Variants in COG5 observed in about 807,000 individuals in gnomAD.
COG5 encodes component of oligomeric golgi complex 5, also known as conserved oligomeric Golgi complex subunit 5.
A neutral mutation model predicts 110.4 loss-of-function variants in COG5; 86 were observed. The observed-to-expected ratio is 0.78, with a 90% CI of 0.65 to 0.93. The LOEUF is 0.93. Among genes scored for constraint, COG5 ranks in the 40% least tolerant of loss-of-function variants. COG5 has a pLI of 0.00. For missense variants in COG5, 1,077 were observed against 987.0 expected, an observed-to-expected ratio of 1.09 and a Z score of -1.22; for synonymous variants, 360 against 334.6, an observed-to-expected ratio of 1.08 and a Z score of -0.83.
At chr7:107,398,392 G>C (rs1285464176) in intron 7 of COG5, among the ~76,000 whole-genome samples, 1 of 152,200 alleles carries the variant, frequency 6.6e-6, no homozygotes, top group African/African-American at 2.4e-5. Context: ...TGAGCGGCAG[G>C]GCAGTGAGCA....
At chr7:107,416,094 T>C (rs1006154377) in intron 6 of COG5, among the ~76,000 whole-genome samples, 1 of 151,352 alleles carries the variant, frequency 6.6e-6, no homozygotes. Flanking sequence ...TATGGGACTA[T>C]CTGATAAGGT....
At chr7:107,543,823 A>G (rs560356111) in intron 5 of COG5, among the ~76,000 whole-genome samples, 1 of 152,234 alleles carries the variant, frequency 6.6e-6, no homozygotes, top group South Asian at 2.1e-4. Flanking sequence ...CAACAGACAC[A>G]AAGTTCAGGC....
chr7:107,478,489 T>C (rs941284799), intron 6 of COG5, among the ~76,000 whole-genome samples: 1 of 151,998 alleles, frequency 6.6e-6, no homozygotes, highest in South Asian at 2.1e-4. Context: ...AAATATTAAA[T>C]GGAAAATTCC....
chr7:107,477,247 T>TA (rs749437233), intron 6 of COG5, among the ~76,000 whole-genome samples: 1 of 151,782 alleles, frequency 6.6e-6, no homozygotes, highest in East Asian at 1.9e-4. Context: ...TTTAAGAATT[T>TA]AAAAAATGAA....
chr7:107,449,228 G>A (rs923992539), intron 6 of COG5, among the ~76,000 whole-genome samples: 3 of 152,060 alleles, frequency 2.0e-5, no homozygotes, highest in African/African-American at 2.4e-5. Context: ...TAATGCATAC[G>A]GGACTTAAAA....
intron 16 of COG5, among the ~76,000 whole-genome samples, 190 bp downstream of exon 16, chr7:107,256,542 G>C (rs1584581373): frequency 6.6e-6 from 1 of 152,166 alleles, no homozygotes; most frequent in Non-Finnish European, 1.5e-5. Context: ...GACACCAAAA[G>C]GGTCTATTTT....
intron 17 of COG5, among the ~76,000 whole-genome samples, chr7:107,239,041 CA>C (rs992427254): frequency 6.6e-6 from 1 of 152,008 alleles, no homozygotes; most frequent in African/African-American, 2.4e-5. Flanking sequence ...GGATCAAATC[CA>C]AAAAATTATT....
At chr7:107,283,825 C>T (rs1805393005) in intron 12 of COG5, 93 bp from the exon 13 acceptor site, 1 of 870,338 alleles carries the variant, frequency 1.1e-6, no homozygotes, top group Non-Finnish European at 1.9e-6. Context: ...AAAAATGCAC[C>T]TCCCATAAAA....
At chr7:107,526,446 A>G (rs1800753187) in intron 6 of COG5, among the ~76,000 whole-genome samples, 1 of 152,252 alleles carries the variant, frequency 6.6e-6, no homozygotes. Context: ...CTTGACTGTC[A>G]AGGTCCTGCA....
chr7:107,219,012 C>A (rs749327523), intron 19 of COG5, among the ~76,000 whole-genome samples: 2 of 151,902 alleles, frequency 1.3e-5, no homozygotes, highest in Admixed American at 6.6e-5. Flanking sequence ...GAAAACTACC[C>A]AATTTAAAAA....
intron 14 of COG5, among the ~76,000 whole-genome samples, chr7:107,278,055 G>A (rs57613052): frequency 6.6e-6 from 1 of 151,974 alleles, no homozygotes; most frequent in Admixed American, 6.6e-5. Context: ...CGTTTCAGTA[G>A]CCAAGAGACT....
At chr7:107,492,168 A>AGTGTGTGTGT (rs61526384) in intron 6 of COG5, among the ~76,000 whole-genome samples, 4,788 of 141,666 alleles carry the variant, frequency 0.034, 121 homozygotes, top group African/African-American at 0.06. Flanking sequence ...AACAATGGGT[A>AGTGTGTGTGT]GTGTGTGTGT....
intron 7 of COG5, among the ~76,000 whole-genome samples, chr7:107,382,069 T>C (rs1041794456): frequency 2.0e-5 from 3 of 152,216 alleles, no homozygotes; most frequent in African/African-American, 7.2e-5. Flanking sequence ...GGTATGCTTC[T>C]CTTTAAGGGG....
In COG5 at chr7:107,203,458, T is replaced by G. The variant is rs1798506639; in HGVS notation, c.*58A>C. The G allele has an allele frequency of 8.7e-7, 1 of 1,152,240 alleles. No individual in the cohort carries two copies. Among genetic ancestry groups the G allele is most frequent in the African/African-American group, 1.5e-5 (1 of 65,986 alleles). 71.4% of individuals were successfully genotyped at this position (1,152,240 alleles called of 1,614,324 possible). A position where few individuals can be genotyped will look rare whatever the true frequency, so the allele number is the denominator to read the frequency against. On this transcript the variant is annotated 3_prime_UTR_variant, in exon 22 of 22. Transcript: ENST00000297135. ...GTAGCAGTCTTTTGGAGTATGTGTTTAACTGCCAACTATGAATGGGTTAGC... is the reference window on the plus strand; with the variant it reads ...GTAGCAGTCTTTTGGAGTATGTGTTGAACTGCCAACTATGAATGGGTTAGC...
Position 107,496,720 on chromosome 7 carries a change from T to C in COG5, c.538+30517A>G, listed in dbSNP as rs146912675. 3.0e-3 allele frequency among the ~76,000 whole-genome samples: 432 copies of C among 143,634 alleles called. 3 individuals carry two copies. Among genetic ancestry groups the C allele is most frequent in the African/African-American group, 0.011 (416 of 39,346 alleles). 94.2% of individuals were successfully genotyped at this position (143,634 alleles called of 152,430 possible). On this transcript the variant is annotated intron_variant, in intron 6 of 21. Transcript: ENST00000297135. ...AATATAATATACCACATTAATAGGA[T>C]GAAAGGAAAAAAACACATGACCATT...
chr7:107,552,499 C>A (rs896962020), intron 3 of COG5, among the ~76,000 whole-genome samples: 4 of 151,974 alleles, frequency 2.6e-5, no homozygotes, highest in African/African-American at 7.3e-5. Context: ...AGAAGGCATA[C>A]ATGCAGGCAA....
intron 7 of COG5, among the ~76,000 whole-genome samples, chr7:107,387,221 C>G (rs1403297178): frequency 2.0e-5 from 3 of 152,198 alleles, no homozygotes; most frequent in African/African-American, 7.2e-5. Flanking sequence ...GGTAAGCTCA[C>G]AAACCCAGAG....
intron 6 of COG5, among the ~76,000 whole-genome samples, chr7:107,440,202 T>C (rs531522623): frequency 1.6e-4 from 24 of 152,306 alleles, no homozygotes; most frequent in African/African-American, 5.8e-4. Flanking sequence ...GAAATTTGGT[T>C]GTTGTATCGC....
intron 6 of COG5, among the ~76,000 whole-genome samples, chr7:107,429,457 C>A (rs969881267): frequency 6.6e-6 from 1 of 151,220 alleles, no homozygotes; most frequent in Non-Finnish European, 1.5e-5. Context: ...AGTCTTTGCC[C>A]AGTTTTTTTT....
Sources: gnomAD v4.1 joint callset for allele counts (sites outside exome capture counted in the v4.1 genomes callset) on GRCh38, gnomAD v4.1.1 for gene constraint, MANE v1.5 for transcripts, NCBI Gene and HGNC (gene_info 2026-07-23, HGNC 2026-07-21) for gene names.